GALNT9: variants seen among roughly 807,000 people sequenced by gnomAD.
The protein encoded by GALNT9 is polypeptide N-acetylgalactosaminyltransferase 9.
Under a neutral mutation model 63.1 loss-of-function variants are expected in GALNT9, and 47 were observed. That is an observed-to-expected ratio of 0.75 (90% CI 0.59 to 0.95). The LOEUF is 0.95. Among genes scored for constraint, GALNT9 ranks in the 40% least tolerant of loss-of-function variants. The pLI, the probability that GALNT9 is intolerant of heterozygous loss-of-function variation, is 0.00. For missense variants in GALNT9, 829 were observed against 874.8 expected (o/e 0.95, Z 0.66); for synonymous variants, 396 against 365.7 (o/e 1.08, Z -0.94).
chr12:132,260,596 C>T lies in GALNT9; in HGVS notation c.761+352G>A, dbSNP rs574034567. Reference sequence around the variant, plus strand: ...AGGTTCCCACCCCGCGGGGGACACACGGTACCCGAGCCTGCTGGAGTCAGG... The same window carrying T: ...AGGTTCCCACCCCGCGGGGGACACATGGTACCCGAGCCTGCTGGAGTCAGG... On this transcript the variant is annotated intron_variant, in intron 4 of 10. Transcript: ENST00000328957. Among the ~76,000 whole-genome samples the T allele has an allele frequency of 1.4e-4, 21 of 152,234 alleles. 1 individual carries two copies. Among genetic ancestry groups the T allele is most frequent in the South Asian group, 8.3e-4 (4 of 4,832 alleles).
intron 5 of GALNT9, among the ~76,000 whole-genome samples, chr12:132,251,360 C>T (rs968989281): frequency 2.6e-5 from 4 of 152,200 alleles, no homozygotes; most frequent in Non-Finnish European, 4.4e-5. Flanking sequence ...TTCACGACGC[C>T]GGTTACGGGG....
At chr12:132,227,816 G>A (rs907969085) in intron 6 of GALNT9, among the ~76,000 whole-genome samples, 4 of 152,220 alleles carry the variant, frequency 2.6e-5, no homozygotes, top group Admixed American at 1.3e-4. Context: ...CAAAGGCAAC[G>A]TGGAGGGGTC....
intron 6 of GALNT9, chr12:132,240,639 G>T (rs2136899028): frequency 2.2e-6 from 1 of 449,732 alleles, no homozygotes; most frequent in Non-Finnish European, 4.4e-6. Context: ...TATGGGCCTC[G>T]GACCTGCTCC....
chr12:132,295,195 G>A (rs1294512061), intron 1 of GALNT9, among the ~76,000 whole-genome samples: 3 of 152,176 alleles, frequency 2.0e-5, no homozygotes, highest in East Asian at 1.9e-4. Context: ...ACGGGCACCC[G>A]GAGAGTTTGC....
At position 132,236,343 on chromosome 12, in the gene GALNT9, CAGTG is replaced by C; in HGVS notation, c.1077+11563_1077+11566del. Among the ~76,000 whole-genome samples the C allele has an allele frequency of 6.6e-6, 1 of 152,214 alleles. No individual in the cohort carries two copies. The highest frequency in any genetic ancestry group is 3.4e-3 in the Middle Eastern group (1 of 294). ...GGGTCGGGGCCAAGGGAGCCACATC[CAGTG>C]TGGGGGCTGCGGGCTCCAGGCCTGG... On this transcript the variant is annotated intron_variant, in intron 6 of 10. Coordinates refer to ENST00000328957, the MANE Select transcript of GALNT9 (RefSeq NM_001122636.2). This position sits in a 1 kb window ranked among gnomAD's most constrained non-coding sequence, Gnocchi z 5.6.
At chr12:132,287,320 C>T (rs531380674) in intron 1 of GALNT9, among the ~76,000 whole-genome samples, 1 of 152,324 alleles carries the variant, frequency 6.6e-6, no homozygotes, top group South Asian at 2.1e-4. Flanking sequence ...CTCTGATGGT[C>T]AGGCCTACTA....
intron 2 of GALNT9, chr12:132,280,502 C>A (rs1348226805): frequency 1.3e-5 from 2 of 152,248 alleles, no homozygotes; most frequent in African/African-American, 4.8e-5. Flanking sequence ...AGCAAAGTGT[C>A]CAGAAGGGGC....
At chr12:132,268,870 G>T (rs1169038917) in intron 2 of GALNT9, among the ~76,000 whole-genome samples, 1 of 152,244 alleles carries the variant, frequency 6.6e-6, no homozygotes, top group Non-Finnish European at 1.5e-5. Flanking sequence ...TGCAGCCGAC[G>T]TACAAAAGCG....
At chr12:132,312,731 T>C in intron 1 of GALNT9, among the ~76,000 whole-genome samples, 1 of 152,072 alleles carries the variant, frequency 6.6e-6, no homozygotes, top group East Asian at 1.9e-4. Flanking sequence ...CCCAGTGGAG[T>C]CCAGGGGACC....
Position 132,329,038 on chromosome 12 carries a change from T to C in GALNT9, c.166A>G (p.Thr56Ala), listed in dbSNP as rs1555246736. Residue 56 changes from threonine to alanine, a missense_variant, in exon 1 of 11, where the codon ACG (threonine) becomes GCG (alanine). Coordinates refer to ENST00000328957, the MANE Select transcript of GALNT9 (RefSeq NM_001122636.2). Reference sequence around the variant, plus strand: ...AGGATGGCCTCACGGTCCCCCAGCGTGCCCACCTTGGCGTGTCGGCTGCGC... The same window carrying C: ...AGGATGGCCTCACGGTCCCCCAGCGCGCCCACCTTGGCGTGTCGGCTGCGC... Reference protein sequence around the residue: ...RVRSRHAKVGTLGDREAILQR... With the variant: ...RVRSRHAKVGALGDREAILQR... The C allele has an allele frequency of 1.9e-6, 3 of 1,545,798 alleles. No homozygotes were observed. The highest frequency in any genetic ancestry group is 2.4e-5 in the East Asian group (1 of 40,852).
At chr12:132,203,233 G>A (rs1002055653) in intron 7 of GALNT9, among the ~76,000 whole-genome samples, 8 of 152,154 alleles carry the variant, frequency 5.3e-5, no homozygotes, top group Non-Finnish European at 1.0e-4. Context: ...TTCTAACCAC[G>A]GGGCAATTGC....
At chr12:132,203,193 CAGGTTGGGG>C (rs1381329241) in intron 7 of GALNT9, among the ~76,000 whole-genome samples, 3 of 152,194 alleles carry the variant, frequency 2.0e-5, no homozygotes, top group Non-Finnish European at 4.4e-5. Flanking sequence ...GCGGCGGCAC[CAGGTTGGGG>C]AGAGGCCGCC....
intron 1 of GALNT9, among the ~76,000 whole-genome samples, chr12:132,320,404 G>A (rs1868731679): frequency 6.6e-6 from 1 of 152,230 alleles, no homozygotes; most frequent in Non-Finnish European, 1.5e-5. Flanking sequence ...TGGATTCCTG[G>A]GGAATCTGTC....
At position 132,212,144 on chromosome 12, in the gene GALNT9, A is replaced by G. The variant is rs12810128; in HGVS notation, c.1078-8454T>C. On this transcript the variant is annotated intron_variant, in intron 6 of 10. Transcript: ENST00000328957. The stretch of plus-strand genomic sequence containing the variant: ...TGACACGGAAACCCCACCCGGGTCT[A>G]CAGCCTTCACACCACGACACGGAAA... Among the ~76,000 whole-genome samples the G allele has an allele frequency of 5.9e-3, 701 of 118,060 alleles. 5 individuals carry two copies. The highest frequency in any genetic ancestry group is 0.01 in the Middle Eastern group (2 of 196). 77.5% of individuals were successfully genotyped at this position (118,060 alleles called of 152,430 possible).
At position 132,247,792 on chromosome 12, in the gene GALNT9, C is replaced by T. The variant is rs541653380; in HGVS notation, c.1077+118G>A. On this transcript the variant is annotated intron_variant, in intron 6 of 10. Transcript: ENST00000328957. ...CTCACCCCATCCCCGGACGCTGCAG[C>T]CACACTCGCCCTCACCCCGTCCCCG... 5.9e-4 allele frequency: 774 copies of T among 1,301,038 alleles called. 5 individuals carry two copies. The African/African-American group carries it at 0.012, about 20-fold the overall frequency. The allele number at this position is 1,301,038 out of a possible 1,614,324, so 80.6% of individuals were successfully genotyped here.
At chr12:132,202,623 T>C (rs1018829936) in intron 7 of GALNT9, among the ~76,000 whole-genome samples, 4 of 151,000 alleles carry the variant, frequency 2.6e-5, no homozygotes, top group African/African-American at 7.4e-5. Flanking sequence ...TGTATGCGTG[T>C]GTGCGCTGGG....
At chr12:132,322,345 T>G (rs886555443) in intron 1 of GALNT9, among the ~76,000 whole-genome samples, 2 of 152,234 alleles carry the variant, frequency 1.3e-5, no homozygotes, top group Non-Finnish European at 2.9e-5. Flanking sequence ...GCCCGCGTCC[T>G]CAGCGCAGTT....
chr12:132,281,029 C>T (rs1196051678), intron 2 of GALNT9: 1 of 152,466 alleles, frequency 6.6e-6, no homozygotes, highest in Non-Finnish European at 1.5e-5. Context: ...TGCAGCCAGC[C>T]CCCTGCAGCC....
rs553842774 is a variant in GALNT9, at chr12:132,308,421, G to A, written c.238+20545C>T. Among the ~76,000 whole-genome samples the A allele has an allele frequency of 6.6e-5, 10 of 152,314 alleles. No homozygotes were observed. In the East Asian group the frequency reaches 1.5e-3, roughly 24 times the overall value. ...GAAACACCCTGCCCCGGGCCCCAGC[G>A]CTGCCCTTGCTGGGTGCTGCCGCCC... On this transcript the variant is annotated intron_variant, in intron 1 of 10. Transcript: ENST00000328957.
Sources: gnomAD v4.1 joint callset for allele counts (sites outside exome capture counted in the v4.1 genomes callset) on GRCh38, gnomAD v4.1.1 for gene constraint, Gnocchi (gnomAD v3.1) non-coding constraint, MANE v1.5 for transcripts, NCBI Gene and HGNC (gene_info 2026-07-23, HGNC 2026-07-21) for gene names.